The following GREB1 variants were observed in gnomAD, a reference collection of about 807,000 sequenced individuals.
GREB1 encodes the protein growth regulating estrogen receptor binding 1.
In GREB1, 106 loss-of-function variants were observed where a neutral mutation model predicts 200.7. That is an observed-to-expected ratio of 0.53 (90% CI 0.45 to 0.62). The LOEUF is 0.62. GREB1 is among the 20% of genes least tolerant of loss of function. The pLI, the probability that GREB1 is intolerant of heterozygous loss-of-function variation, is 0.00. For synonymous variants in GREB1, 1,132 were observed against 1,092.4 expected, an observed-to-expected ratio of 1.04 and a Z score of -0.72; for missense variants, 2,243 against 2,556.8, an observed-to-expected ratio of 0.88 and a Z score of 2.65.
intron 2 of GREB1, among the ~76,000 whole-genome samples, chr2:11,559,880 C>G (rs1470039945): frequency 6.6e-6 from 1 of 152,204 alleles, no homozygotes; most frequent in Non-Finnish European, 1.5e-5. Flanking sequence ...ACTCTGTGTC[C>G]TCTAAGCCCA....
At chr2:11,530,565 CA>C (rs34552685), upstream of GREB1, among the ~76,000 whole-genome samples, 37,919 of 97,044 alleles carry the variant, frequency 0.39, 5,386 homozygotes, top group South Asian at 0.53. Context: ...GACTCGGTCT[CA>C]AAAAAAAAAA....
At chr2:11,617,065 A>G (rs1683471352) in intron 21 of GREB1, among the ~76,000 whole-genome samples, 1 of 152,096 alleles carries the variant, frequency 6.6e-6, no homozygotes, top group Non-Finnish European at 1.5e-5. Context: ...GGTTTGGGAA[A>G]ACCCTGTGCC....
Position 11,567,163 on chromosome 2 carries a change from G to A in GREB1, c.454+507G>A, listed in dbSNP as rs375990911. Among the ~76,000 whole-genome samples the A allele has an allele frequency of 2.6e-4, 40 of 152,142 alleles. No individual in the cohort carries two copies. The South Asian group carries it at 6.2e-3, about 24-fold the overall frequency. On this transcript the variant is annotated intron_variant, in intron 4 of 32. Transcript: ENST00000381486. ...TTTTGAGACAGAGTCTCTCTCTGTC[G>A]CCCAGGCTGGAGTGCAGTGTTTACT...
chr2:11,566,781 G>A, intron 4 of GREB1, 125 bp downstream of exon 4: 1 of 783,590 alleles, frequency 1.3e-6, no homozygotes, highest in Non-Finnish European at 2.0e-6. Flanking sequence ...GCAGCATGCA[G>A]CCCTGTTTCT....
At chr2:11,627,610 T>C (rs995085092) in intron 25 of GREB1, among the ~76,000 whole-genome samples, 23 of 152,362 alleles carry the variant, frequency 1.5e-4, no homozygotes, top group African/African-American at 5.3e-4. Flanking sequence ...TGCCAGGCAA[T>C]GTGCCTAGGC....
chr2:11,614,742 T>G (rs1683248153), intron 19 of GREB1, among the ~76,000 whole-genome samples: 2 of 152,128 alleles, frequency 1.3e-5, no homozygotes, highest in Non-Finnish European at 2.9e-5. Flanking sequence ...TTTTTGTATT[T>G]TTAGTAGAGA....
At chr2:11,556,164 G>A (rs1019660064) in intron 1 of GREB1, among the ~76,000 whole-genome samples, 2 of 152,180 alleles carry the variant, frequency 1.3e-5, no homozygotes, top group African/African-American at 4.8e-5. Flanking sequence ...GGGGGAGGCC[G>A]GCTCCTCTAA....
chr2:11,508,495 A>G (rs569102170), intron 1 of GREB1, among the ~76,000 whole-genome samples: 3 of 152,270 alleles, frequency 2.0e-5, no homozygotes, highest in Non-Finnish European at 4.4e-5. Flanking sequence ...GCTTTCCCCC[A>G]GTGTGGCAAA....
At chr2:11,616,552 C>A in intron 20 of GREB1, 79 bp from the exon 21 acceptor site, 1 of 885,680 alleles carries the variant, frequency 1.1e-6, no homozygotes, top group Non-Finnish European at 1.9e-6. Flanking sequence ...TGGGAACACA[C>A]TTTACACACT....
chr2:11,586,509 T>C (rs1680111726), intron 9 of GREB1, among the ~76,000 whole-genome samples: 1 of 152,170 alleles, frequency 6.6e-6, no homozygotes, highest in African/African-American at 2.4e-5. Context: ...GATGTTGCAA[T>C]GGGAAACCCT....
chr2:11,631,227 C>A (rs1163273813), intron 26 of GREB1, among the ~76,000 whole-genome samples: 1 of 152,128 alleles, frequency 6.6e-6, no homozygotes, highest in Non-Finnish European at 1.5e-5. Context: ...GCCAGTTGAA[C>A]TTATTGTTAA....
At chr2:11,522,522 C>T (rs529846794) in intron 1 of GREB1, among the ~76,000 whole-genome samples, 5 of 152,246 alleles carry the variant, frequency 3.3e-5, no homozygotes, top group South Asian at 2.1e-4. Flanking sequence ...CTGCAGGACT[C>T]GCAGCAGGAA....
chr2:11,569,648 T>C (rs1423223160), intron 4 of GREB1, among the ~76,000 whole-genome samples: 1 of 152,212 alleles, frequency 6.6e-6, no homozygotes, highest in Non-Finnish European at 1.5e-5. Context: ...AAATAGCCAA[T>C]GCAGTGGGTC....
At chr2:11,583,977 T>C (rs1679791671) in intron 7 of GREB1, among the ~76,000 whole-genome samples, 1 of 151,970 alleles carries the variant, frequency 6.6e-6, no homozygotes. Flanking sequence ...AATAGGCCCA[T>C]GGGGGTTCTG....
chr2:11,571,038 G>GATAT (rs150027099), intron 4 of GREB1, among the ~76,000 whole-genome samples: 5 of 150,520 alleles, frequency 3.3e-5, no homozygotes, highest in African/African-American at 9.8e-5. Flanking sequence ...AGGGGCTCTG[G>GATAT]ATATATATAT....
chr2:11,615,934 T>C (rs187377124), intron 20 of GREB1, among the ~76,000 whole-genome samples: 1 of 152,226 alleles, frequency 6.6e-6, no homozygotes, highest in Non-Finnish European at 1.5e-5. Context: ...TGGTCTGCCT[T>C]GTCTGTCTTG....
At chr2:11,485,708 A>C (rs1672641249) in intron 1 of GREB1, among the ~76,000 whole-genome samples, 1 of 152,188 alleles carries the variant, frequency 6.6e-6, no homozygotes, top group African/African-American at 2.4e-5. Context: ...TTAGTAAGCA[A>C]TTTATTGAAT....
intron 1 of GREB1, among the ~76,000 whole-genome samples, chr2:11,550,228 A>C (rs142340611): frequency 6.6e-6 from 1 of 152,180 alleles, no homozygotes; most frequent in Non-Finnish European, 1.5e-5. Flanking sequence ...AAAAATAATA[A>C]TAATAAATAA....
Position 11,595,328 on chromosome 2 carries a change from G to A in GREB1, c.1774G>A (p.Val592Ile), listed in dbSNP as rs1681111549. The change falls in exon 12 of 33, where the codon GTT becomes ATT. Residue 592 changes from valine to isoleucine, a missense_variant. Around this residue, in one of 3 missense-constraint regions of GREB1, gnomAD observed 1,178 missense variants for 1,387.4 expected, o/e 0.85. Transcript: ENST00000381486. ...CCAGAAGGAAGTCAATTACGAGCTG[G>A]TTACGGGGAAGGTAGACTCGCTGGG... ...EYQKEVNYEL[V>I]TGKVDSLGAF... The A allele has an allele frequency of 1.2e-6, 2 of 1,614,066 alleles. No individual in the cohort carries two copies. The highest frequency in any genetic ancestry group is 1.7e-6 in the Non-Finnish European group (2 of 1,179,960).
Sources: allele counts gnomAD v4.1 joint callset (sites outside exome capture counted in the v4.1 genomes callset), GRCh38; gene constraint gnomAD v4.1.1; regional missense constraint gnomAD v4.1.1; transcripts MANE v1.5; gene names NCBI Gene and HGNC (gene_info 2026-07-23, HGNC 2026-07-21).